Variants in ZNF540 observed in about 807,000 individuals in gnomAD.
ZNF540 encodes the protein CTD-3064H18.6.
ZNF540 carries 3 observed loss-of-function variants against 11.8 expected under a neutral mutation model. That is an observed-to-expected ratio of 0.25 (90% CI 0.12 to 0.65). ZNF540 has a LOEUF of 0.65. Ranked by LOEUF, ZNF540 falls within the 30% of genes least tolerant of loss-of-function variation. The pLI, the probability that ZNF540 is intolerant of heterozygous loss-of-function variation, is 0.83. For synonymous variants in ZNF540, 247 were observed against 259.0 expected, an observed-to-expected ratio of 0.95 and a Z score of 0.45; for missense variants, 709 against 793.1, an observed-to-expected ratio of 0.89 and a Z score of 1.27.
intron 1 of ZNF540, chr19:37,564,370 G>A (rs964778157): frequency 5.4e-6 from 2 of 370,884 alleles, no homozygotes; most frequent in Non-Finnish European, 9.5e-6. Context: ...GTTAGGATAT[G>A]GTGAAATGGA....
chr19:37,604,537 G>A (rs1426207377), intron 4 of ZNF540, among the ~76,000 whole-genome samples: 1 of 151,770 alleles, frequency 6.6e-6, no homozygotes, highest in East Asian at 1.9e-4. Context: ...TCGATCTCCT[G>A]ACCTTGTGAT....
exon 1 of ZNF540, chr19:37,551,510 A>T (rs1389723062): frequency 6.6e-6 from 1 of 152,398 alleles, no homozygotes; most frequent in Non-Finnish European, 1.5e-5. Flanking sequence ...CCCCGACCCT[A>T]GGAGTCGGGC....
Position 37,612,177 on chromosome 19 carries a change from T to C in ZNF540, c.897T>C (p.Tyr299=), listed in dbSNP as rs2044135966. Residue 299 remains tyrosine (Y), a synonymous_variant, in exon 5 of 5, where the codon TAT becomes TAC. Coordinates refer to ENST00000316433, the MANE Select transcript of ZNF540 (RefSeq NM_001172225.3). ...GAATTCATACTGGTAAGAAATCTTA[T>C]GAATGTAAAGAATGTGGAAAAGTTT... ...HKRIHTGKKS[Y]ECKECGKVFQ... is the part of the protein sequence containing the mutation. 3 of 1,611,636 alleles carry C rather than the reference T, an allele frequency of 1.9e-6. No homozygotes were observed. The African/African-American group carries it at 4.0e-5, about 22-fold the overall frequency.
intron 4 of ZNF540, among the ~76,000 whole-genome samples, chr19:37,610,148 A>T (rs1459191172): frequency 6.6e-6 from 1 of 151,980 alleles, no homozygotes; most frequent in Non-Finnish European, 1.5e-5. Context: ...TAATAAGGTG[A>T]GAGAGATTAG....
chr19:37,603,459 T>C (rs894481375), intron 4 of ZNF540, among the ~76,000 whole-genome samples: 2 of 152,136 alleles, frequency 1.3e-5, no homozygotes, highest in African/African-American at 4.8e-5. Context: ...ACAATGGATA[T>C]AGGTGGGTTG....
upstream of ZNF540, among the ~76,000 whole-genome samples, chr19:37,592,452 G>C (rs1484781676): frequency 1.3e-5 from 2 of 152,078 alleles, no homozygotes; most frequent in African/African-American, 4.8e-5. Flanking sequence ...TGGCCCTTTG[G>C]AGGACCACAG....
At chr19:37,576,550 T>C (rs2043249838) in intron 1 of ZNF540, among the ~76,000 whole-genome samples, 1 of 152,178 alleles carries the variant, frequency 6.6e-6, no homozygotes, top group Admixed American at 6.6e-5. Context: ...TCCTTAGGGT[T>C]TGTAAAATTT....
chr19:37,563,087 T>C (rs757310133), intron 1 of ZNF540: 36 of 152,242 alleles, frequency 2.4e-4, no homozygotes, highest in Non-Finnish European at 4.0e-4. Context: ...CCAGCACTTC[T>C]GGAGGCTGAG....
intron 1 of ZNF540, among the ~76,000 whole-genome samples, chr19:37,566,875 T>G (rs2042879171): frequency 6.6e-6 from 1 of 152,176 alleles, no homozygotes; most frequent in African/African-American, 2.4e-5. Context: ...TCCAAAGTCC[T>G]TAATATGGCT....
At chr19:37,586,105 T>C in intron 1 of ZNF540, 1 of 152,546 alleles carries the variant, frequency 6.6e-6, no homozygotes, top group Non-Finnish European at 1.5e-5. Flanking sequence ...AAATCATAAT[T>C]ATATTGATTT....
At chr19:37,598,641 G>A (rs1035043633) in intron 2 of ZNF540, among the ~76,000 whole-genome samples, 185 bp downstream of exon 2, 1 of 152,056 alleles carries the variant, frequency 6.6e-6, no homozygotes, top group African/African-American at 2.4e-5. Flanking sequence ...CTCATTCAGG[G>A]TACTCAGTCT....
chr19:37,570,434 T>C (rs988100786), intron 1 of ZNF540, among the ~76,000 whole-genome samples: 3 of 152,138 alleles, frequency 2.0e-5, no homozygotes, highest in Admixed American at 6.5e-5. Context: ...TCTCCCAAGA[T>C]AGACATAATT....
At chr19:37,562,941 A>G (rs1009820590) in intron 1 of ZNF540, 1 of 152,236 alleles carries the variant, frequency 6.6e-6, no homozygotes, top group Non-Finnish European at 1.5e-5. Context: ...GTTGAATTCA[A>G]ATTAAATTTG....
At chr19:37,610,335 T>C (rs1011954642) in intron 4 of ZNF540, among the ~76,000 whole-genome samples, 6 of 152,212 alleles carry the variant, frequency 3.9e-5, no homozygotes, top group African/African-American at 7.2e-5. Flanking sequence ...TTATTCACTG[T>C]TGAATGAAAT....
chr19:37,570,312 G>T (rs1298835943), intron 1 of ZNF540, among the ~76,000 whole-genome samples: 1 of 152,040 alleles, frequency 6.6e-6, no homozygotes, highest in South Asian at 2.1e-4. Context: ...CCTCTGCCCC[G>T]CCTGTGATTA....
At chr19:37,582,138 G>C (rs2043492500) in intron 1 of ZNF540, among the ~76,000 whole-genome samples, 1 of 152,092 alleles carries the variant, frequency 6.6e-6, no homozygotes, top group African/African-American at 2.4e-5. Flanking sequence ...ACAGTGCCTG[G>C]TGAGTTAATT....
chr19:37,598,593 T>C, intron 2 of ZNF540, 137 bp downstream of exon 2: 1 of 864,944 alleles, frequency 1.2e-6, no homozygotes, highest in Admixed American at 2.1e-5. Context: ...ATGGGCCCCC[T>C]CTCTTTTCTA....
intron 1 of ZNF540, among the ~76,000 whole-genome samples, chr19:37,553,728 A>T (rs1448976817): frequency 6.6e-6 from 1 of 152,096 alleles, no homozygotes; most frequent in Admixed American, 6.5e-5. Context: ...CCTATCGTAT[A>T]TTTGCTGGGA....
At chr19:37,596,662 G>C (rs1002545203) in intron 1 of ZNF540, among the ~76,000 whole-genome samples, 1 of 152,072 alleles carries the variant, frequency 6.6e-6, no homozygotes, top group African/African-American at 2.4e-5. Flanking sequence ...TCCTTAGACA[G>C]GGTCATAGGA....
Sources: allele counts gnomAD v4.1 joint callset (sites outside exome capture counted in the v4.1 genomes callset), GRCh38; gene constraint gnomAD v4.1.1; transcripts MANE v1.5; gene names NCBI Gene and HGNC (gene_info 2026-07-23, HGNC 2026-07-21).